Variants in GATAD2B observed in about 807,000 individuals in gnomAD.
GATAD2B encodes the protein GATA zinc finger domain containing 2B.
Under a neutral mutation model 64.3 loss-of-function variants are expected in GATAD2B, and 8 were observed. The observed-to-expected ratio is 0.12, with a 90% CI of 0.07 to 0.22. The LOEUF (loss-of-function observed/expected upper bound fraction) is 0.22, where lower values mean the gene tolerates loss of function less well. Among genes scored for constraint, GATAD2B ranks in the 10% least tolerant of loss-of-function variants. The pLI, the probability that GATAD2B is intolerant of heterozygous loss-of-function variation, is 1.00. For synonymous variants in GATAD2B, 281 were observed against 271.3 expected (o/e 1.04, Z -0.35); for missense variants, 453 against 752.0 (o/e 0.60, Z 4.65).
At chr1:153,852,464 G>A in intron 1 of GATAD2B, 1 of 756,734 alleles carries the variant, frequency 1.3e-6, no homozygotes. Context: ...AAGTCAGGTT[G>A]CAGGCAATAG....
intron 1 of GATAD2B, among the ~76,000 whole-genome samples, chr1:153,882,972 G>A (rs1483025680): frequency 6.6e-6 from 1 of 152,144 alleles, no homozygotes; most frequent in Non-Finnish European, 1.5e-5. Context: ...TATTGGCTGA[G>A]GACCTTTGCT....
chr1:153,917,648 G>A (rs991680839), intron 1 of GATAD2B, among the ~76,000 whole-genome samples: 2 of 152,158 alleles, frequency 1.3e-5, no homozygotes, highest in Non-Finnish European at 2.9e-5. Context: ...GCCCGCCTCA[G>A]CCTCCCAAAG....
At chr1:153,910,512 G>T (rs1004919694) in intron 1 of GATAD2B, among the ~76,000 whole-genome samples, 3 of 152,100 alleles carry the variant, frequency 2.0e-5, no homozygotes, top group Non-Finnish European at 4.4e-5. Flanking sequence ...GGCCAAGGTG[G>T]GTGGATCACC....
chr1:153,919,506 G>A (rs1170173209), intron 1 of GATAD2B, among the ~76,000 whole-genome samples: 1 of 152,150 alleles, frequency 6.6e-6, no homozygotes, highest in Admixed American at 6.6e-5. Flanking sequence ...AAGAAAGGAG[G>A]TTGCTGCTTC....
intron 4 of GATAD2B, among the ~76,000 whole-genome samples, chr1:153,818,380 T>C (rs890398087): frequency 6.7e-6 from 1 of 149,042 alleles, no homozygotes; most frequent in African/African-American, 2.5e-5. Context: ...AGTGGCCTGA[T>C]CTCGGCTCAC....
intron 1 of GATAD2B, among the ~76,000 whole-genome samples, chr1:153,841,860 G>T (rs542881328): frequency 6.6e-6 from 1 of 152,186 alleles, no homozygotes; most frequent in Non-Finnish European, 1.5e-5. Context: ...ATAAGAAACT[G>T]CCAATCTGTT....
intron 1 of GATAD2B, among the ~76,000 whole-genome samples, chr1:153,893,534 C>A (rs1435653325): frequency 6.6e-6 from 1 of 151,728 alleles, no homozygotes; most frequent in Non-Finnish European, 1.5e-5. Context: ...GCTTGAGCTG[C>A]AGGAGGCAGA....
At chr1:153,846,795 G>A (rs1055215024) in intron 1 of GATAD2B, among the ~76,000 whole-genome samples, 6 of 151,422 alleles carry the variant, frequency 4.0e-5, no homozygotes, top group South Asian at 2.1e-4. Context: ...TTCTGACCTC[G>A]TGATCCACCT....
At chr1:153,916,701 A>G (rs779089752) in intron 1 of GATAD2B, among the ~76,000 whole-genome samples, 13 of 152,242 alleles carry the variant, frequency 8.5e-5, no homozygotes, top group Non-Finnish European at 1.9e-4. Context: ...TTATGCTTTA[A>G]AGTTCACAAA....
rs367566261 is a variant in GATAD2B, at chr1:153,877,319, GGCA to G, written c.-2+45411_-2+45413del. Among the ~76,000 whole-genome samples the G allele has an allele frequency of 3.9e-4, 59 of 152,136 alleles. 1 individual carries two copies. The South Asian group carries it at 8.3e-3, about 21-fold the overall frequency. ...GATCACACTACTGCACTCCAGCCTG[GGCA>G]ACAGAGTGAGACCCTGTCTCTAATA... On this transcript the variant is annotated intron_variant, in intron 1 of 10. Coordinates refer to ENST00000368655, the MANE Select transcript of GATAD2B (RefSeq NM_020699.4).
chr1:153,860,018 C>A (rs959445767), intron 1 of GATAD2B, among the ~76,000 whole-genome samples: 12 of 142,212 alleles, frequency 8.4e-5, no homozygotes, highest in African/African-American at 3.2e-4. Context: ...CAGGTTCAAG[C>A]GATTCTCCTG....
chr1:153,837,176 T>C (rs1675295549), intron 1 of GATAD2B, among the ~76,000 whole-genome samples: 1 of 152,068 alleles, frequency 6.6e-6, no homozygotes, highest in South Asian at 2.1e-4. Flanking sequence ...TCCACATATA[T>C]GAGGTACCTA....
At chr1:153,878,959 G>C (rs897417713) in intron 1 of GATAD2B, among the ~76,000 whole-genome samples, 2 of 149,344 alleles carry the variant, frequency 1.3e-5, no homozygotes, top group Non-Finnish European at 3.0e-5. Flanking sequence ...TTTTTTTCTT[G>C]AGACAGTCTT....
At chr1:153,854,295 C>T (rs533141051) in intron 1 of GATAD2B, among the ~76,000 whole-genome samples, 4 of 152,116 alleles carry the variant, frequency 2.6e-5, no homozygotes, top group South Asian at 2.1e-4. Context: ...CCCAGCTACT[C>T]GGGAGGCTGA....
At chr1:153,830,322 A>AT (rs1288134024) in intron 1 of GATAD2B, among the ~76,000 whole-genome samples, 1 of 150,292 alleles carries the variant, frequency 6.7e-6, no homozygotes, top group African/African-American at 2.5e-5. Context: ...TAATTTTTGT[A>AT]TTTTTAGTAG....
chr1:153,846,197 T>C (rs1675682250), intron 1 of GATAD2B, among the ~76,000 whole-genome samples: 1 of 152,136 alleles, frequency 6.6e-6, no homozygotes, highest in Non-Finnish European at 1.5e-5. Flanking sequence ...ATTTCTACCA[T>C]CTTCTGTTCT....
intron 1 of GATAD2B, among the ~76,000 whole-genome samples, chr1:153,850,230 AT>A: frequency 6.6e-6 from 1 of 152,014 alleles, no homozygotes; most frequent in Non-Finnish European, 1.5e-5. Context: ...TTTTATATTC[AT>A]TTCCCAGTTT....
At chr1:153,814,884 G>A (rs552461454) in intron 7 of GATAD2B, among the ~76,000 whole-genome samples, 1 of 151,572 alleles carries the variant, frequency 6.6e-6, no homozygotes, top group African/African-American at 2.4e-5. Flanking sequence ...GCTGAGGCAG[G>A]AATATTGCTT....
At chr1:153,870,925 T>C (rs1173662497) in intron 1 of GATAD2B, among the ~76,000 whole-genome samples, 3 of 152,174 alleles carry the variant, frequency 2.0e-5, no homozygotes, top group Non-Finnish European at 4.4e-5. Context: ...TTTTTTGTTT[T>C]TCCCCAAGAC....
Sources: allele counts gnomAD v4.1 joint callset (sites outside exome capture counted in the v4.1 genomes callset), GRCh38; gene constraint gnomAD v4.1.1; transcripts MANE v1.5; gene names NCBI Gene and HGNC (gene_info 2026-07-23, HGNC 2026-07-21).